Variants in MAGEC1 observed in about 807,000 individuals in gnomAD.
MAGEC1 encodes melanoma-associated antigen C1.
Under a neutral mutation model 1.5 loss-of-function variants are expected in MAGEC1, and 3 were observed. The ratio of observed to expected loss-of-function variants is 1.97; its 90% confidence interval spans 0.90 to 5.10. The LOEUF (loss-of-function observed/expected upper bound fraction) is 5.10, where lower values mean the gene tolerates loss of function less well. MAGEC1 is among the 30% of genes most tolerant of loss of function. The probability of loss-of-function intolerance (pLI) is 0.02; values close to 1 mark genes in which losing one functional copy is unlikely to be tolerated. For synonymous variants in MAGEC1, 357 were observed against 310.4 expected (o/e 1.15, Z -1.58); for missense variants, 985 against 803.1 (o/e 1.23, Z -2.74).
rs2018169331 is a variant in MAGEC1 at position 141,905,092 on chromosome X, G to C, written c.4+16G>C. On this transcript the variant is annotated intron_variant, in intron 3 of 3. Transcript: ENST00000285879. ...GCCATCATGGGTGAGTTTCTCAGCT[G>C]AGGCCACTGGCACTGTCCCTCTCTC... 1 of 1,210,442 alleles carries C rather than the reference G, an allele frequency of 8.3e-7. No individual in the cohort carries two copies. The highest frequency in any genetic ancestry group is 2.2e-5 in the Admixed American group (1 of 45,960).
chrX:141,908,251 C>A lies in MAGEC1; in HGVS notation c.2847C>A (p.Ile949=), dbSNP rs772405336. 1.7e-6 allele frequency: 2 copies of A among 1,211,345 alleles called. No individual in the cohort carries two copies. The highest frequency in any genetic ancestry group is 2.2e-6 in the Non-Finnish European group (2 of 895,265). The change falls in exon 4 of 4, where the codon ATC becomes ATA. Residue 949 remains isoleucine (I), a synonymous_variant. Coordinates refer to ENST00000285879, the MANE Select transcript of MAGEC1 (RefSeq NM_005462.5). ...GGTACACGGGCTACTTTCCTGTGAT[C>A]TTCAGGAAAGCCCGTGAGTTCATAG... The part of the protein sequence containing the change: ...ISRYTGYFPV[I]FRKAREFIEI...
chrX:141,907,061 C>T lies in MAGEC1; in HGVS notation c.1657C>T (p.Pro553Ser). Residue 553 changes from proline to serine, a missense_variant, in exon 4 of 4, where the codon CCT becomes TCT. Physicochemically the swap from Pro to Ser is moderately conservative, Grantham distance 74 (BLOSUM62 -1). Coordinates refer to ENST00000285879, the MANE Select transcript of MAGEC1 (RefSeq NM_005462.5). ...LSPHYFPQSP[P>S]QGEDSLSPHY... ...TCCTCACTACTTTCCTCAGAGCCCT[C>T]CTCAGGGGGAGGACTCCCTATCTCC... 9.1e-6 allele frequency: 11 copies of T among 1,210,553 alleles called. No individual in the cohort carries two copies. The highest frequency in any genetic ancestry group is 1.2e-5 in the Non-Finnish European group (11 of 894,982).
chrX:141,906,963 C>T lies in MAGEC1; in HGVS notation c.1559C>T (p.Pro520Leu), dbSNP rs1222612204. The change falls in exon 4 of 4, where the codon CCT becomes CTT. Residue 520 changes from proline (P) to leucine (L), a missense_variant. By Grantham distance (98) the Pro-to-Leu change is moderately conservative. Transcript: ENST00000285879. The part of the protein sequence containing the change: ...PQSPLQIPQS[P>L]PEGENTHSPL... ...TCTCCTCTCCAGATTCCTCAGAGTC[C>T]TCCTGAAGGGGAGAATACCCATTCT... 4.1e-6 allele frequency: 5 copies of T among 1,212,040 alleles called. No individual in the cohort carries two copies. In the South Asian group the frequency reaches 8.8e-5, roughly 21 times the overall value.
In MAGEC1 at chrX:141,905,596, G is replaced by A. The variant is rs144548302; in HGVS notation, c.192G>A (p.Ser64=). ...GTCGTTCTGAGGGGGAGGACTCCTC[G>A]GATCCTCTCCAGAGACCTCCTGAGG... The part of the protein sequence containing the change: ...PQSRSEGEDS[S]DPLQRPPEGK... Residue 64 remains serine (S), a synonymous_variant, in exon 4 of 4, where the codon TCG becomes TCA. Transcript: ENST00000285879. The A allele has an allele frequency of 1.4e-3, 1,683 of 1,201,764 alleles. 1 individual carries two copies. Among genetic ancestry groups the A allele is most frequent in the Non-Finnish European group, 1.8e-3 (1,582 of 892,371 alleles).
At position 141,906,529 on chromosome X, in the gene MAGEC1, T is replaced by G; in HGVS notation, c.1125T>G (p.Ile375Met). ...GTTTTCCCCAGTCTCCTCTCCAGAT[T>G]CCTGGGAGCCCCTCCTTCTCCTCCA... Reference protein sequence around the residue: ...FEGFPQSPLQIPGSPSFSSTL... With the variant: ...FEGFPQSPLQMPGSPSFSSTL... The change falls in exon 4 of 4, where the codon ATT (isoleucine) becomes ATG (methionine). Residue 375 changes from isoleucine to methionine, a missense_variant. Ile to Met is a conservative substitution (Grantham distance 10). Coordinates refer to ENST00000285879, the MANE Select transcript of MAGEC1 (RefSeq NM_005462.5). 7 of 1,198,627 alleles carry G rather than the reference T, an allele frequency of 5.8e-6. 1 individual carries two copies. Among genetic ancestry groups the G allele is most frequent in the Non-Finnish European group, 7.9e-6 (7 of 888,484 alleles).
At position 141,908,943 on chromosome X, in the gene MAGEC1, C is replaced by T; in HGVS notation, c.*110C>T. 4.7e-6 allele frequency: 3 copies of T among 634,458 alleles called. No homozygotes were observed. Among genetic ancestry groups the T allele is most frequent in the Non-Finnish European group, 6.9e-6 (3 of 433,079 alleles). 52.3% of individuals were successfully genotyped at this position (634,458 alleles called of 1,213,427 possible). A position where few individuals can be genotyped will look rare whatever the true frequency, so the allele number is the denominator to read the frequency against. On this transcript the variant is annotated 3_prime_UTR_variant, in exon 4 of 4. Coordinates refer to ENST00000285879, the MANE Select transcript of MAGEC1 (RefSeq NM_005462.5). The stretch of plus-strand genomic sequence containing the variant: ...ACACAGTGCTATTTGCATTTCTGTT[C>T]CATATGGGTAGTTATGGGGTTTACC...
Position 141,905,426 on chromosome X carries a change from A to G in MAGEC1, c.22A>G (p.Thr8Ala). 8.3e-7 allele frequency: 1 copy of G among 1,210,644 alleles called. No homozygotes were observed. The highest frequency in any genetic ancestry group is 1.1e-6 in the Non-Finnish European group (1 of 894,763). The change falls in exon 4 of 4, where the codon ACT becomes GCT. Residue 8 changes from threonine to alanine, a missense_variant. Physicochemically the swap from Thr to Ala is moderately conservative, Grantham distance 58. Coordinates refer to ENST00000285879, the MANE Select transcript of MAGEC1 (RefSeq NM_005462.5). ...TTCTCCAGGGGACAAGGATATGCCT[A>G]CTGCTGGGATGCCGAGTCTTCTCCA... MGDKDMP[T>A]AGMPSLLQSS... is the part of the protein sequence containing the mutation.
chrX:141,904,693 G>A, intron 1 of MAGEC1, 24 bp from the exon 2 acceptor site: 1 of 218,296 alleles, frequency 4.6e-6, no homozygotes, highest in Non-Finnish European at 8.4e-6. Context: ...TTAGCTGGAG[G>A]GGCTCCCTCC....
Position 141,907,104 on chromosome X carries a change from G to A in MAGEC1, c.1700G>A (p.Ser567Asn), listed in dbSNP as rs762356129. 11 of 1,200,149 alleles carry A rather than the reference G, an allele frequency of 9.2e-6. No individual in the cohort carries two copies. The African/African-American group carries it at 2.0e-4, about 22-fold the overall frequency. Residue 567 changes from serine to asparagine, a missense_variant, in exon 4 of 4, where the codon AGC becomes AAC. Physicochemically the swap from Ser to Asn is conservative, Grantham distance 46. Coordinates refer to ENST00000285879, the MANE Select transcript of MAGEC1 (RefSeq NM_005462.5). ...CTATCTCCTCACTACTTTCCTCAGA[G>A]CCCTCCTCAGGGGGAGGACTCCCTG... Reference protein sequence around the residue: ...DSLSPHYFPQSPPQGEDSLSP... With the variant: ...DSLSPHYFPQNPPQGEDSLSP...
In MAGEC1 at chrX:141,906,677, CA is replaced by C. The variant is rs1482675168; in HGVS notation, c.1274del (p.Gln425ArgfsTer23). On this transcript the variant is annotated frameshift_variant, in exon 4 of 4. Coordinates refer to ENST00000285879, the MANE Select transcript of MAGEC1 (RefSeq NM_005462.5). LOFTEE classifies it low-confidence loss of function (END_TRUNC). ...CTCCTCTACTTTATTGAGTATTTTA[CA>C]GAGTTCTCCTGAGAGTGCTCAAAGT... Reference protein sequence around the residue: ...SFSSTLLSILQSSPESAQSAF... With the variant: ...SFSSTLLSILXSSPESAQSAF... 1 of 1,201,023 alleles carries C rather than the reference CA, an allele frequency of 8.3e-7. No homozygotes were observed. Among genetic ancestry groups the C allele is most frequent in the Non-Finnish European group, 1.1e-6 (1 of 890,660 alleles).
Position 141,906,839 on chromosome X carries a change from C to T in MAGEC1, c.1435C>T (p.Gln479Ter), listed in dbSNP as rs1352737949. 1.7e-6 allele frequency: 2 copies of T among 1,206,637 alleles called. No homozygotes were observed. Among genetic ancestry groups the T allele is most frequent in the Non-Finnish European group, 2.2e-6 (2 of 893,473 alleles). ...TFEGFPQSPL[Q>*]IPVSSSSSSS... The stretch of plus-strand genomic sequence containing the variant: ...TGAGGGTTTTCCCCAGTCTCCTCTC[C>T]AGATTCCTGTGAGCTCCTCCTCCTC... Residue 479 changes from glutamine (Q) to a stop codon, truncating the protein, a stop_gained, in exon 4 of 4, where the codon CAG becomes TAG. Coordinates refer to ENST00000285879, the MANE Select transcript of MAGEC1 (RefSeq NM_005462.5). LOFTEE classifies it low-confidence loss of function (END_TRUNC).
intron 2 of MAGEC1, 25 bp from the exon 3 acceptor site, chrX:141,904,945 G>A: frequency 9.7e-7 from 1 of 1,031,531 alleles, no homozygotes; most frequent in Non-Finnish European, 1.4e-6. Flanking sequence ...TGTGCCCCGA[G>A]GTGCTTTCTC....
At position 141,905,210 on chromosome X, in the gene MAGEC1, C is replaced by T; in HGVS notation, c.4+134C>T. 2.9e-6 allele frequency: 3 copies of T among 1,032,913 alleles called. No homozygotes were observed. In the South Asian group the frequency reaches 6.0e-5, roughly 21 times the overall value. The allele number at this position is 1,032,913 out of a possible 1,213,427, so 85.1% of individuals were successfully genotyped here. ...ATTCATCATGCCTCTCTTTCTAAAC[C>T]TTCCACGCCCCAGCTTTGAGCAAGG... On this transcript the variant is annotated intron_variant, in intron 3 of 3. Coordinates refer to ENST00000285879, the MANE Select transcript of MAGEC1 (RefSeq NM_005462.5).
Position 141,907,005 on chromosome X carries a change from C to G in MAGEC1, c.1601C>G (p.Pro534Arg), listed in dbSNP as rs142471926. 1.2e-5 allele frequency: 15 copies of G among 1,209,536 alleles called. No individual in the cohort carries two copies. The African/African-American group carries it at 2.1e-4, about 17-fold the overall frequency. ...ACCCATTCTCCTCTCCAGATTGTTCCAAGTCTTCCTGAGTGGGAGGACTCC... is the reference window on the plus strand; with the variant it reads ...ACCCATTCTCCTCTCCAGATTGTTCGAAGTCTTCCTGAGTGGGAGGACTCC... ...ENTHSPLQIVPSLPEWEDSLS... is the reference protein window; with the variant it reads ...ENTHSPLQIVRSLPEWEDSLS... Residue 534 changes from proline to arginine, a missense_variant, in exon 4 of 4, where the codon CCA (proline) becomes CGA (arginine). Physicochemically the swap from Pro to Arg is moderately radical, Grantham distance 103 (BLOSUM62 -2). Transcript: ENST00000285879.
Position 141,907,319 on chromosome X carries a change from AG to A in MAGEC1, c.1916del (p.Ser639IlefsTer106), listed in dbSNP as rs1161786610. 1 of 1,204,525 alleles carries A rather than the reference AG, an allele frequency of 8.3e-7. No homozygotes were observed. The highest frequency in any genetic ancestry group is 1.1e-6 in the Non-Finnish European group (1 of 893,301). On this transcript the variant is annotated frameshift_variant, in exon 4 of 4. Transcript: ENST00000285879. LOFTEE classifies it low-confidence loss of function (END_TRUNC). ...VSICSSSTPS[S>X]LPQSFPESSQ... is the part of the protein sequence containing the mutation. ...CATCTGCTCCTCCTCCACTCCATCC[AG>A]TCTTCCCCAGAGTTTCCCTGAGAGT...
chrX:141,904,460 C>T (rs1231670064), intron 1 of MAGEC1, among the ~76,000 whole-genome samples: 1 of 111,271 alleles, frequency 9.0e-6, no homozygotes, highest in Admixed American at 9.4e-5. Flanking sequence ...CGTGAGGCCA[C>T]AGGGACCGCC....
chrX:141,905,878 TCCCCA>T lies in MAGEC1; in HGVS notation c.475_479del (p.Pro159ValfsTer24). 1 of 1,198,798 alleles carries T rather than the reference TCCCCA, an allele frequency of 8.3e-7. No individual in the cohort carries two copies. Among genetic ancestry groups the T allele is most frequent in the Non-Finnish European group, 1.1e-6 (1 of 888,758 alleles). On this transcript the variant is annotated frameshift_variant, in exon 4 of 4. Coordinates refer to ENST00000285879, the MANE Select transcript of MAGEC1 (RefSeq NM_005462.5). LOFTEE classifies it low-confidence loss of function (END_TRUNC). ...GTACTCAAAGTCCTTTTGAGGGTTT[TCCCCA>T]GTCTGTTCTCCAGATTCCTGTGAGC...
rs763602936 is a variant in MAGEC1 at position 141,903,962 on chromosome X, C to T, written c.-218C>T. The T allele has an allele frequency of 8.0e-4, 96 of 120,032 alleles. No individual in the cohort carries two copies. The highest frequency in any genetic ancestry group is 3.0e-3 in the African/African-American group (91 of 30,631). The allele number at this position is 120,032 out of a possible 1,213,427, so 9.9% of individuals were successfully genotyped here. ...TCAGCGGAGGGAGGAGACTTATAGA[C>T]CTATCCAGTCTTCAAGGTGAGGGCC... On this transcript the variant is annotated 5_prime_UTR_variant, in exon 1 of 4. Transcript: ENST00000285879.
Position 141,908,912 on chromosome X carries a change from G to C in MAGEC1, c.*79G>C, listed in dbSNP as rs1430675630. The C allele has an allele frequency of 2.3e-6, 2 of 879,142 alleles. No homozygotes were observed. Among genetic ancestry groups the C allele is most frequent in the Non-Finnish European group, 3.1e-6 (2 of 635,544 alleles). The allele number at this position is 879,142 out of a possible 1,213,427, so 72.5% of individuals were successfully genotyped here. ...GTGGTGGAGGGCCTGGTTGAGGCTG[G>C]AGAGAACACAGTGCTATTTGCATTT... is the stretch of plus-strand genomic sequence containing the variant. On this transcript the variant is annotated 3_prime_UTR_variant, in exon 4 of 4. Transcript: ENST00000285879.
Sources: allele counts gnomAD v4.1 joint callset (sites outside exome capture counted in the v4.1 genomes callset), GRCh38; gene constraint gnomAD v4.1.1; transcripts MANE v1.5; gene names NCBI Gene and HGNC (gene_info 2026-07-23, HGNC 2026-07-21).